EPS15: variants seen among roughly 807,000 people sequenced by gnomAD.
The protein encoded by EPS15 is epidermal growth factor receptor pathway substrate 15.
In EPS15, 72 loss-of-function variants were observed where a neutral mutation model predicts 113.8. That is an observed-to-expected ratio of 0.63 (90% CI 0.52 to 0.77). EPS15 has a LOEUF of 0.77. Among genes scored for constraint, EPS15 ranks in the 30% least tolerant of loss-of-function variants. The pLI is 0.00. For synonymous variants in EPS15, 344 were observed against 363.4 expected, an observed-to-expected ratio of 0.95 and a Z score of 0.61; for missense variants, 1,048 against 1,045.8, an observed-to-expected ratio of 1.00 and a Z score of -0.03.
rs377701588 is a variant in EPS15 at position 51,481,258 on chromosome 1, A to G, written c.75+15T>C. 5.3e-5 allele frequency: 70 copies of G among 1,312,526 alleles called. No homozygotes were observed. The highest frequency in any genetic ancestry group is 5.7e-5 in the Non-Finnish European group (52 of 907,926). 81.3% of individuals were successfully genotyped at this position (1,312,526 alleles called of 1,614,324 possible). A position where few individuals can be genotyped will look rare whatever the true frequency, so the allele number is the denominator to read the frequency against. ...TAATGTTCAATCCAGGCAAACAATG[A>G]AACAAAAATCTTACCTGTCTATAGT... On this transcript the variant is annotated intron_variant, in intron 2 of 24. Transcript: ENST00000371733.
intron 11 of EPS15, among the ~76,000 whole-genome samples, chr1:51,440,966 T>A (rs1652552746): frequency 6.6e-6 from 1 of 152,120 alleles, no homozygotes; most frequent in Non-Finnish European, 1.5e-5. Context: ...CTCAAGCATG[T>A]TCCATAATAA....
In EPS15 at chr1:51,448,026, A is replaced by G; in HGVS notation, c.651+20T>C. The G allele has an allele frequency of 6.2e-7, 1 of 1,611,556 alleles. No individual in the cohort carries two copies. The highest frequency in any genetic ancestry group is 8.5e-7 in the Non-Finnish European group (1 of 1,178,804). ...TGATGCTGAAGAGGGGATCAACCGC[A>G]CAGAGCCTGATATACTGACCGTTTT... On this transcript the variant is annotated intron_variant, in intron 9 of 24. Transcript: ENST00000371733.
chr1:51,435,968 T>C (rs139172296), intron 12 of EPS15, among the ~76,000 whole-genome samples: 403 of 152,242 alleles, frequency 2.6e-3, no homozygotes, highest in Middle Eastern at 6.8e-3. Context: ...ATCAGAGGCA[T>C]AGAAGAATAA....
intron 14 of EPS15, 134 bp from the exon 15 acceptor site, chr1:51,408,466 T>A (rs969839567): frequency 1.4e-5 from 9 of 654,788 alleles, no homozygotes; most frequent in Non-Finnish European, 2.1e-5. Context: ...GCAAATAATT[T>A]ATTTAATTTA....
rs780754724 is a variant in EPS15 at position 51,356,669 on chromosome 1, CTA to C, written c.*29_*30del. 1.2e-6 allele frequency: 2 copies of C among 1,602,320 alleles called. No individual in the cohort carries two copies. Among genetic ancestry groups the C allele is most frequent in the East Asian group, 4.5e-5 (2 of 44,662 alleles). ...GTTTCAGTATTCAGGAAGAAGAATACTATATTGTTGCCAAAGAACAAGAGAAT... is the reference window on the plus strand; with the variant it reads ...GTTTCAGTATTCAGGAAGAAGAATACTATTGTTGCCAAAGAACAAGAGAAT... On this transcript the variant is annotated 3_prime_UTR_variant, in exon 25 of 25. Transcript: ENST00000371733.
At chr1:51,505,089 C>A (rs1008237504) in intron 1 of EPS15, among the ~76,000 whole-genome samples, 1 of 151,644 alleles carries the variant, frequency 6.6e-6, no homozygotes, top group Admixed American at 6.6e-5. Context: ...CACTGCACTC[C>A]AGCCTGGGTG....
At chr1:51,504,430 T>C (rs79433535) in intron 1 of EPS15, among the ~76,000 whole-genome samples, 2,845 of 151,972 alleles carry the variant, frequency 0.019, 90 homozygotes, top group African/African-American at 0.066. Flanking sequence ...AAATTAAAAT[T>C]AAATTAAAAA....
chr1:51,468,474 A>G lies in EPS15; in HGVS notation c.308T>C (p.Phe103Ser). ...TTTAAATCTAAAAGCATTTCTTACA[A>G]ATCTTGGTGGAGGAACAGCCAGGTT... ...SLNLAVPPPR[F>S]HDTSSPLLIS... The change falls in exon 5 of 25, where the codon TTT (phenylalanine) becomes TCT (serine). Residue 103 changes from phenylalanine to serine, a missense_variant and splice_region_variant. Physicochemically the swap from Phe to Ser is radical, Grantham distance 155. Coordinates refer to ENST00000371733, the MANE Select transcript of EPS15 (RefSeq NM_001981.3). The G allele has an allele frequency of 1.3e-6, 2 of 1,593,520 alleles. No homozygotes were observed. The highest frequency in any genetic ancestry group is 1.7e-6 in the Non-Finnish European group (2 of 1,161,282).
chr1:51,449,644 A>C (rs1471609540), intron 8 of EPS15, among the ~76,000 whole-genome samples: 7 of 151,808 alleles, frequency 4.6e-5, no homozygotes. Flanking sequence ...GCAGTAAAGG[A>C]AGAGTTTAAT....
rs1245507817 is a variant in EPS15, at chr1:51,472,536, AG to A, written c.165+322del. 5.9e-5 allele frequency among the ~76,000 whole-genome samples: 9 copies of A among 152,312 alleles called. No individual in the cohort carries two copies. In the East Asian group the frequency reaches 1.7e-3, roughly 29 times the overall value. On this transcript the variant is annotated intron_variant, in intron 3 of 24. Coordinates refer to ENST00000371733, the MANE Select transcript of EPS15 (RefSeq NM_001981.3). ...CATTAAACAGAGACAGTTATAACAG[AG>A]GAAGTAGGGATAGAGCCAAGTCTTT...
intron 8 of EPS15, among the ~76,000 whole-genome samples, chr1:51,457,230 T>C (rs374623222): frequency 6.6e-6 from 1 of 151,950 alleles, no homozygotes; most frequent in African/African-American, 2.4e-5. Flanking sequence ...GAGCTTGCAG[T>C]GAGCTGAGAT....
chr1:51,417,549 T>G (rs1022965091), intron 13 of EPS15, among the ~76,000 whole-genome samples: 2 of 152,230 alleles, frequency 1.3e-5, no homozygotes, highest in African/African-American at 4.8e-5. Context: ...TATTGGAAGC[T>G]ATACACATCA....
chr1:51,388,069 A>G (rs186674972), intron 21 of EPS15, among the ~76,000 whole-genome samples: 14 of 152,282 alleles, frequency 9.2e-5, no homozygotes, highest in Non-Finnish European at 1.2e-4. Context: ...TGTAGTTGGA[A>G]GTAAAGCTCT....
At chr1:51,497,522 G>A (rs1230654195) in intron 1 of EPS15, among the ~76,000 whole-genome samples, 1 of 152,126 alleles carries the variant, frequency 6.6e-6, no homozygotes, top group East Asian at 1.9e-4. Context: ...ATACAACAAA[G>A]GGTGAGAAAT....
chr1:51,444,114 T>C (rs1025162531), intron 11 of EPS15, among the ~76,000 whole-genome samples: 8 of 152,156 alleles, frequency 5.3e-5, no homozygotes, highest in Non-Finnish European at 1.2e-4. Flanking sequence ...TCCACAGCCA[T>C]GGTTATACTT....
intron 1 of EPS15, among the ~76,000 whole-genome samples, chr1:51,516,368 A>G (rs1173356691): frequency 6.6e-6 from 1 of 152,216 alleles, no homozygotes; most frequent in Non-Finnish European, 1.5e-5. Context: ...AGTAATTCCT[A>G]GCACATACTG....
chr1:51,502,145 G>C (rs1419072430), intron 1 of EPS15, among the ~76,000 whole-genome samples: 1 of 152,120 alleles, frequency 6.6e-6, no homozygotes, highest in African/African-American at 2.4e-5. Context: ...GTGCATGCCT[G>C]TTGCCCCAGT....
chr1:51,452,215 T>C (rs902939394), intron 8 of EPS15, among the ~76,000 whole-genome samples: 1 of 151,986 alleles, frequency 6.6e-6, no homozygotes, highest in East Asian at 1.9e-4. Flanking sequence ...CAGAGAAAAT[T>C]TGCATATAAT....
intron 21 of EPS15, among the ~76,000 whole-genome samples, chr1:51,386,774 G>A (rs1338148538): frequency 6.6e-6 from 1 of 152,142 alleles, no homozygotes; most frequent in Non-Finnish European, 1.5e-5. Context: ...AGAGAAAAAA[G>A]AATAAAAAGA....
Sources: gnomAD v4.1 joint callset for allele counts (sites outside exome capture counted in the v4.1 genomes callset) on GRCh38, gnomAD v4.1.1 for gene constraint, MANE v1.5 for transcripts, NCBI Gene and HGNC (gene_info 2026-07-23, HGNC 2026-07-21) for gene names.